The following FAT3 variants were observed in gnomAD, a reference collection of about 807,000 sequenced individuals.
FAT3 encodes protocadherin Fat 3.
A neutral mutation model predicts 310.2 loss-of-function variants in FAT3; 95 were observed. That is an observed-to-expected ratio of 0.31 (90% confidence interval 0.26 to 0.36). FAT3 has a LOEUF of 0.36. Ranked by LOEUF, FAT3 falls within the 10% of genes least tolerant of loss-of-function variation. The pLI is 1.00. For synonymous variants in FAT3, 2,314 were observed against 2,192.9 expected (o/e 1.06, Z -1.54); for missense variants, 5,408 against 5,715.6 (o/e 0.95, Z 1.74).
intron 17 of FAT3, 32 bp downstream of exon 17, chr11:92,837,838 C>G: frequency 6.2e-7 from 1 of 1,613,376 alleles, no homozygotes; most frequent in Non-Finnish European, 8.5e-7. Context: ...AGCACTTGTC[C>G]CTTTGCATTC....
At chr11:92,262,528 A>C (rs182688931) in intron 1 of FAT3, among the ~76,000 whole-genome samples, 83 of 152,248 alleles carry the variant, frequency 5.5e-4, no homozygotes, top group African/African-American at 1.9e-3. Context: ...AGAACTCAGA[A>C]AAGAGCAGCA....
At chr11:92,745,380 G>A (rs895832678) in intron 4 of FAT3, among the ~76,000 whole-genome samples, 4 of 152,142 alleles carry the variant, frequency 2.6e-5, no homozygotes, top group Admixed American at 2.0e-4. Flanking sequence ...ACATAGATTG[G>A]ACTCATCTGT....
At chr11:92,579,639 A>G (rs781459105) in intron 3 of FAT3, among the ~76,000 whole-genome samples, 3 of 152,086 alleles carry the variant, frequency 2.0e-5, no homozygotes, top group Admixed American at 6.6e-5. Flanking sequence ...ACCCCAATCA[A>G]ATGCTACTGG....
chr11:92,345,381 C>G lies in FAT3; in HGVS notation c.-17-6715C>G, dbSNP rs1591141993. On this transcript the variant is annotated intron_variant, in intron 1 of 27. Transcript: ENST00000525166. ...AGTAACTAATCTAAGGAAGACAGTA[C>G]TATCAGAAAGGTAGGTAGAAATAAA... is the stretch of plus-strand genomic sequence containing the variant. Among the ~76,000 whole-genome samples, 5 of 152,284 alleles carry G rather than the reference C, an allele frequency of 3.3e-5. No individual in the cohort carries two copies. In the East Asian group the frequency reaches 7.7e-4, roughly 24 times the overall value.
chr11:92,248,318 T>C (rs1229393636), intron 1 of FAT3, among the ~76,000 whole-genome samples: 1 of 152,106 alleles, frequency 6.6e-6, no homozygotes, highest in Admixed American at 6.6e-5. Flanking sequence ...TTTTTAGTAT[T>C]TGAATCAACA....
intron 13 of FAT3, among the ~76,000 whole-genome samples, chr11:92,825,421 C>G (rs1948077350): frequency 6.6e-6 from 1 of 152,090 alleles, no homozygotes; most frequent in Non-Finnish European, 1.5e-5. Context: ...TAAGGGAACA[C>G]AGAGGAGGAA....
chr11:92,350,395 A>G (rs897191387), intron 1 of FAT3, among the ~76,000 whole-genome samples: 1 of 151,666 alleles, frequency 6.6e-6, no homozygotes, highest in African/African-American at 2.4e-5. Context: ...CTAGAACTAC[A>G]TTAAAACCAG....
At chr11:92,457,702 G>A (rs1206174731) in intron 2 of FAT3, among the ~76,000 whole-genome samples, 1 of 151,952 alleles carries the variant, frequency 6.6e-6, no homozygotes, top group African/African-American at 2.4e-5. Context: ...CGGGCGGATC[G>A]CCTGAGGTCA....
rs1949271276 is a variant in FAT3 at position 92,867,184 on chromosome 11, C to T, written c.12102C>T (p.Gly4034=). Residue 4034 remains glycine, a synonymous_variant, in exon 22 of 28, where the codon GGC becomes GGT. Transcript: ENST00000525166. ...AGCGCAGCCCGTGCCAGCACGGGGG[C>T]AGCTGCACTGGCCTGCCATCGGGGG... is the stretch of plus-strand genomic sequence containing the variant. ...ACKRSPCQHG[G]SCTGLPSGGY... is the part of the protein sequence containing the mutation. 1 of 1,585,676 alleles carries T rather than the reference C, an allele frequency of 6.3e-7. No individual in the cohort carries two copies.
At chr11:92,663,951 A>G (rs1417160349) in intron 3 of FAT3, among the ~76,000 whole-genome samples, 4 of 152,306 alleles carry the variant, frequency 2.6e-5, no homozygotes, top group South Asian at 2.1e-4. Context: ...TCCTTAGAAT[A>G]TCATAAAAGA....
intron 2 of FAT3, among the ~76,000 whole-genome samples, chr11:92,492,752 T>G (rs569997251): frequency 6.6e-6 from 1 of 152,106 alleles, no homozygotes; most frequent in South Asian, 2.1e-4. Context: ...TGACCTTGGG[T>G]AGGTTATTTA....
At chr11:92,851,686 A>C (rs192428600) in intron 19 of FAT3, among the ~76,000 whole-genome samples, 1 of 152,290 alleles carries the variant, frequency 6.6e-6, no homozygotes, top group East Asian at 1.9e-4. Flanking sequence ...TTCCCCCTTC[A>C]TGCTTACTGT....
intron 1 of FAT3, among the ~76,000 whole-genome samples, chr11:92,339,940 G>A (rs1483826951): frequency 6.6e-6 from 1 of 151,740 alleles, no homozygotes. Context: ...GTGAAACCCC[G>A]TCTCTACTAA....
chr11:92,500,877 ACT>A, intron 2 of FAT3, among the ~76,000 whole-genome samples: 1 of 151,626 alleles, frequency 6.6e-6, no homozygotes, highest in East Asian at 1.9e-4. Context: ...ATGAGGGAAG[ACT>A]CTCCTAAGTT....
intron 27 of FAT3, 84 bp from the exon 28 acceptor site, chr11:92,890,407 G>T: frequency 1.4e-6 from 2 of 1,473,658 alleles, no homozygotes; most frequent in Non-Finnish European, 9.1e-7. Context: ...AAAATTGCAT[G>T]TCAGGTCCCT....
intron 1 of FAT3, among the ~76,000 whole-genome samples, chr11:92,226,587 T>TGG (rs941821480): frequency 3.3e-5 from 5 of 150,976 alleles, no homozygotes; most frequent in African/African-American, 1.2e-4. Flanking sequence ...AACCAGGCGG[T>TGG]GGAGAGGGGT....
intron 2 of FAT3, among the ~76,000 whole-genome samples, chr11:92,511,192 G>C (rs890445851): frequency 6.6e-6 from 1 of 152,164 alleles, no homozygotes; most frequent in Admixed American, 6.5e-5. Context: ...CCAAAACTGG[G>C]CATAATTTTA....
chr11:92,380,054 C>A (rs1949449982), intron 2 of FAT3, among the ~76,000 whole-genome samples: 1 of 147,448 alleles, frequency 6.8e-6, no homozygotes, highest in African/African-American at 2.5e-5. Flanking sequence ...AGTCAGAATG[C>A]CATCATGCAA....
intron 3 of FAT3, among the ~76,000 whole-genome samples, chr11:92,683,676 C>T (rs754877054): frequency 6.6e-6 from 1 of 152,180 alleles, no homozygotes; most frequent in Non-Finnish European, 1.5e-5. Flanking sequence ...AGTGCCTAGC[C>T]AGTGGTAGGG....
Sources: allele counts gnomAD v4.1 joint callset (sites outside exome capture counted in the v4.1 genomes callset), GRCh38; gene constraint gnomAD v4.1.1; transcripts MANE v1.5; gene names NCBI Gene and HGNC (gene_info 2026-07-23, HGNC 2026-07-21).